The following CENPF variants were observed in gnomAD, a reference collection of about 807,000 sequenced individuals.
CENPF encodes centromere protein F.
In CENPF, 214 loss-of-function variants were observed where a neutral mutation model predicts 307.3. The observed-to-expected ratio is 0.70, with a 90% CI of 0.62 to 0.78. The LOEUF (loss-of-function observed/expected upper bound fraction) is 0.78, where lower values mean the gene tolerates loss of function less well. Ranked by LOEUF, CENPF falls within the 30% of genes least tolerant of loss-of-function variation. CENPF has a pLI of 0.00. For missense variants in CENPF, 3,401 were observed against 3,483.9 expected (o/e 0.98, Z 0.60); for synonymous variants, 1,259 against 1,270.6 (o/e 0.99, Z 0.19).
At chr1:214,615,929 A>G (rs1657323993) in intron 3 of CENPF, among the ~76,000 whole-genome samples, 1 of 152,062 alleles carries the variant, frequency 6.6e-6, no homozygotes, top group Non-Finnish European at 1.5e-5. Context: ...GTTTTAAAAT[A>G]TTCTTCTTAT....
intron 17 of CENPF, 77 bp from the exon 18 acceptor site, chr1:214,656,855 GA>G: frequency 1.1e-6 from 1 of 952,164 alleles, no homozygotes; most frequent in Non-Finnish European, 1.6e-6. Context: ...ACACGTCTAA[GA>G]TTATCTGCTT....
chr1:214,642,177 C>T lies in CENPF; in HGVS notation c.3839C>T (p.Ser1280Leu). 1 of 1,614,012 alleles carries T rather than the reference C, an allele frequency of 6.2e-7. No homozygotes were observed. The highest frequency in any genetic ancestry group is 8.5e-7 in the Non-Finnish European group (1 of 1,179,984). The change falls in exon 12 of 20, where the codon TCA (serine) becomes TTA (leucine). Residue 1280 changes from serine (S) to leucine (L), a missense_variant. By Grantham distance (145) the Ser-to-Leu change is moderately radical. Transcript: ENST00000366955. ...EKYISGPHEL[S>L]TSQNDNAHLQ... ...TATATTTCAGGGCCTCATGAGTTGT[C>T]AACAAGTCAAAACGACAATGCACAC...
chr1:214,651,043 G>C (rs1457069669), intron 14 of CENPF, among the ~76,000 whole-genome samples: 2 of 152,216 alleles, frequency 1.3e-5, no homozygotes, highest in Non-Finnish European at 2.9e-5. Context: ...TTGCAGCATG[G>C]AGGTTGCTGA....
intron 12 of CENPF, among the ~76,000 whole-genome samples, chr1:214,643,765 C>G (rs12071057): frequency 0.072 from 10,944 of 152,230 alleles, 467 homozygotes; most frequent in South Asian, 0.14. Context: ...CTAAATACAG[C>G]AGATTCTTTA....
At position 214,640,658 on chromosome 1, in the gene CENPF, C is replaced by T; in HGVS notation, c.2320C>T (p.Leu774=). 1 of 1,614,094 alleles carries T rather than the reference C, an allele frequency of 6.2e-7. No homozygotes were observed. Among genetic ancestry groups the T allele is most frequent in the Non-Finnish European group, 8.5e-7 (1 of 1,180,008 alleles). Residue 774 remains leucine, a synonymous_variant, in exon 12 of 20, where the codon CTG becomes TTG. Transcript: ENST00000366955. ...TCTGCTAAAATCCAAAGATGCTTCT[C>T]TGGTGACAAATGAAGATCATCAGAG... ...RDLLKSKDAS[L]VTNEDHQRSL... is the part of the protein sequence containing the mutation.
Position 214,640,762 on chromosome 1 carries a change from T to G in CENPF, c.2424T>G (p.Pro808=). 6.2e-7 allele frequency: 1 copy of G among 1,613,950 alleles called. No homozygotes were observed. Among genetic ancestry groups the G allele is most frequent in the South Asian group, 1.1e-5 (1 of 90,988 alleles). ...ANIIGEQGSM[P]SERSECRLEA... The stretch of plus-strand genomic sequence containing the variant: ...TAATTGGAGAACAAGGAAGCATGCC[T>G]TCAGAGAGGAGTGAATGTCGTTTAG... Residue 808 remains proline (P), a synonymous_variant, in exon 12 of 20, where the codon CCT becomes CCG. Transcript: ENST00000366955.
intron 7 of CENPF, among the ~76,000 whole-genome samples, chr1:214,623,827 A>G (rs1657580344): frequency 6.6e-6 from 1 of 152,182 alleles, no homozygotes; most frequent in Non-Finnish European, 1.5e-5. Context: ...AAAATAACAA[A>G]AATAAAGTAA....
intron 19 of CENPF, among the ~76,000 whole-genome samples, chr1:214,661,174 T>C (rs1658778343): frequency 6.6e-6 from 1 of 152,192 alleles, no homozygotes; most frequent in Non-Finnish European, 1.5e-5. Flanking sequence ...TTCAGTGCAT[T>C]AGCTACATGC....
chr1:214,633,363 T>A (rs868699338), intron 10 of CENPF, among the ~76,000 whole-genome samples: 25 of 152,204 alleles, frequency 1.6e-4, no homozygotes, highest in African/African-American at 5.5e-4. Context: ...TAAGAACCAT[T>A]CAGTGACAGT....
intron 7 of CENPF, among the ~76,000 whole-genome samples, chr1:214,627,905 T>C (rs1458031598): frequency 1.3e-5 from 2 of 152,234 alleles, no homozygotes; most frequent in African/African-American, 4.8e-5. Context: ...GTAACAAAAA[T>C]CAATACCGTG....
At chr1:214,630,172 T>C (rs777077722) in intron 8 of CENPF, among the ~76,000 whole-genome samples, 4 of 152,208 alleles carry the variant, frequency 2.6e-5, no homozygotes, top group Admixed American at 6.5e-5. Context: ...AACACCGTTT[T>C]TGAGTATGTT....
intron 1 of CENPF, among the ~76,000 whole-genome samples, chr1:214,607,318 A>G (rs945909958): frequency 2.0e-5 from 3 of 152,210 alleles, no homozygotes; most frequent in Non-Finnish European, 4.4e-5. Context: ...ACAAAGTGGC[A>G]GCAGGACAGA....
rs778171876 is a variant in CENPF, at chr1:214,640,951, A to G, written c.2613A>G (p.Glu871=). 6.2e-7 allele frequency: 1 copy of G among 1,606,072 alleles called. No homozygotes were observed. Among genetic ancestry groups the G allele is most frequent in the South Asian group, 1.1e-5 (1 of 88,774 alleles). The change falls in exon 12 of 20, where the codon GAA becomes GAG. Residue 871 remains glutamate (E), a synonymous_variant. Coordinates refer to ENST00000366955, the MANE Select transcript of CENPF (RefSeq NM_016343.4). ...TAGAAGAAAATCTCATGAAAGCAGAACAGATGCATCAAAGTTTTGTGGCTG... is the reference window on the plus strand; with the variant it reads ...TAGAAGAAAATCTCATGAAAGCAGAGCAGATGCATCAAAGTTTTGTGGCTG... The part of the protein sequence containing the change: ...GEIEENLMKA[E]QMHQSFVAET...
intron 8 of CENPF, 84 bp from the exon 9 acceptor site, chr1:214,630,450 C>T (rs1337996991): frequency 2.4e-5 from 37 of 1,525,242 alleles, no homozygotes; most frequent in Non-Finnish European, 3.0e-5. Context: ...TCTGTGCAGT[C>T]GCCTGTTAGG....
At chr1:214,606,138 A>G (rs1657023648) in intron 1 of CENPF, 8 of 1,496,154 alleles carry the variant, frequency 5.3e-6, no homozygotes, top group Non-Finnish European at 6.2e-6. Context: ...CCTTCCCGCC[A>G]GCGGGCGTCC....
At chr1:214,656,206 T>G (rs964719448) in intron 17 of CENPF, among the ~76,000 whole-genome samples, 2 of 152,202 alleles carry the variant, frequency 1.3e-5, no homozygotes, top group African/African-American at 4.8e-5. Context: ...TTTTATCCAC[T>G]TATACCCCTG....
At chr1:214,611,305 T>C (rs1158270564) in intron 1 of CENPF, among the ~76,000 whole-genome samples, 3 of 152,230 alleles carry the variant, frequency 2.0e-5, no homozygotes, top group African/African-American at 7.2e-5. Flanking sequence ...ATTCTTCATA[T>C]TCATGAGCAT....
In CENPF at chr1:214,628,981, C is replaced by G. The variant is rs184361641; in HGVS notation, c.1069-65C>G. On this transcript the variant is annotated intron_variant, in intron 7 of 19. Coordinates refer to ENST00000366955, the MANE Select transcript of CENPF (RefSeq NM_016343.4). ...CAATTATAGCAGTTTTTCTAAAACA[C>G]AAAATATTTGTTCATTTATGTGAGT... The G allele has an allele frequency of 7.2e-3, 9,293 of 1,284,418 alleles. 60 individuals are homozygous for G. Among genetic ancestry groups the G allele is most frequent in the South Asian group, 0.021 (1,268 of 61,700 alleles). The allele number at this position is 1,284,418 out of a possible 1,614,324, so 79.6% of individuals were successfully genotyped here.
rs1267160591 is a variant in CENPF, at chr1:214,605,833, G to T, written c.-42+2512G>T. Reference sequence around the variant, plus strand: ...AGAGCGCCAGCCCGTGCGAGAAGTCGATCACCTCGTCCTCCGTGCCGTGGA... The same window carrying T: ...AGAGCGCCAGCCCGTGCGAGAAGTCTATCACCTCGTCCTCCGTGCCGTGGA... On this transcript the variant is annotated intron_variant, in intron 1 of 19. Transcript: ENST00000366955. 3.1e-6 allele frequency: 5 copies of T among 1,594,626 alleles called. No homozygotes were observed. In the African/African-American group the frequency reaches 5.3e-5, roughly 17 times the overall value.
Sources: gnomAD v4.1 joint callset for allele counts (sites outside exome capture counted in the v4.1 genomes callset) on GRCh38, gnomAD v4.1.1 for gene constraint, MANE v1.5 for transcripts, NCBI Gene and HGNC (gene_info 2026-07-23, HGNC 2026-07-21) for gene names.